SORBS2: variants seen among roughly 807,000 people sequenced by gnomAD.
SORBS2 encodes sorbin and SH3 domain-containing protein 2.
A neutral mutation model predicts 97.7 loss-of-function variants in SORBS2; 46 were observed. The ratio of observed to expected loss-of-function variants is 0.47; its 90% CI spans 0.37 to 0.60. The LOEUF (loss-of-function observed/expected upper bound fraction) is 0.60. SORBS2 is among the 20% of genes least tolerant of loss of function. The pLI, the probability that SORBS2 is intolerant of heterozygous loss-of-function variation, is 0.00. For synonymous variants in SORBS2, 476 were observed against 473.4 expected, an observed-to-expected ratio of 1.01 and a Z score of -0.07; for missense variants, 1,316 against 1,282.3, an observed-to-expected ratio of 1.03 and a Z score of -0.40.
intron 2 of SORBS2, among the ~76,000 whole-genome samples, chr4:185,712,407 TC>T (rs1240154462): frequency 3.3e-5 from 5 of 152,110 alleles, no homozygotes; most frequent in Non-Finnish European, 7.3e-5. Flanking sequence ...GGCAATAAAA[TC>T]CCCCACATTT....
At chr4:185,874,866 T>TTTTTTTTTTTTTTGC (rs775209042) in intron 1 of SORBS2, among the ~76,000 whole-genome samples, 4 of 113,524 alleles carry the variant, frequency 3.5e-5, no homozygotes, top group East Asian at 4.3e-4. Context: ...TGATTTTTTT[T>TTTTTTTTTTTTTTGC]TTTTTTGCAT....
chr4:185,743,380 G>A (rs1286709788), intron 2 of SORBS2, among the ~76,000 whole-genome samples: 2 of 152,074 alleles, frequency 1.3e-5, no homozygotes, highest in African/African-American at 4.8e-5. Context: ...TTCCCAATTT[G>A]CTCCCCATTT....
At chr4:185,733,539 G>A (rs1440013383) in intron 2 of SORBS2, among the ~76,000 whole-genome samples, 1 of 152,202 alleles carries the variant, frequency 6.6e-6, no homozygotes, top group African/African-American at 2.4e-5. Flanking sequence ...GCTTGGAGGG[G>A]CTGAGACAAG....
intron 2 of SORBS2, among the ~76,000 whole-genome samples, chr4:185,718,332 C>T (rs1583352088): frequency 6.6e-6 from 1 of 152,238 alleles, no homozygotes; most frequent in Non-Finnish European, 1.5e-5. Flanking sequence ...TTATTAGCAT[C>T]ATAAACATTA....
chr4:185,587,835 A>G, intron 14 of SORBS2, 147 bp from the exon 27 acceptor site: 1 of 637,572 alleles, frequency 1.6e-6, no homozygotes, highest in South Asian at 1.9e-5. Context: ...CATGAAGCCC[A>G]TAGGCAGACA....
At chr4:185,613,194 G>A (rs2096569054) in intron 11 of SORBS2, among the ~76,000 whole-genome samples, 2 of 152,192 alleles carry the variant, frequency 1.3e-5, no homozygotes, top group South Asian at 4.1e-4. Context: ...GTGTGATGGA[G>A]CTGAAACAGT....
At chr4:185,936,311 C>T (rs1427049196) in intron 1 of SORBS2, among the ~76,000 whole-genome samples, 3 of 152,254 alleles carry the variant, frequency 2.0e-5, no homozygotes, top group Non-Finnish European at 4.4e-5. Context: ...ACCCACCCTC[C>T]ATCCCTGCAA....
Position 185,587,666 on chromosome 4 carries a change from G to T in SORBS2, c.2976C>A (p.Phe992Leu), listed in dbSNP as rs112158586. The change falls in exon 15 of 15, where the codon TTC becomes TTA. Residue 992 changes from phenylalanine (F) to leucine (L), a missense_variant. Coordinates refer to ENST00000418609, the Ensembl canonical transcript of SORBS2. ...CGTAGTTTCCGGGGAAAGTACCAAAGAATTTGGTTCTTCTTGAGGTCCCTG... is the reference window on the plus strand; with the variant it reads ...CGTAGTTTCCGGGGAAAGTACCAAATAATTTGGTTCTTCTTGAGGTCCCTG... The T allele has an allele frequency of 5.7e-4, 925 of 1,613,390 alleles. No individual in the cohort carries two copies. Among genetic ancestry groups the T allele is most frequent in the Non-Finnish European group, 6.9e-4 (818 of 1,179,682 alleles).
intron 4 of SORBS2, chr4:185,666,082 A>G (rs1340138725): frequency 1.6e-6 from 2 of 1,289,766 alleles, no homozygotes; most frequent in East Asian, 1.1e-4. Flanking sequence ...GCCTGGTGAG[A>G]AAGTGGCTCG....
At chr4:185,924,945 C>T (rs561381369) in intron 1 of SORBS2, among the ~76,000 whole-genome samples, 2 of 152,276 alleles carry the variant, frequency 1.3e-5, no homozygotes, top group East Asian at 3.9e-4. Context: ...TTCCTCCAGT[C>T]ATCCGAGTCG....
chr4:185,847,332 G>C (rs576016681), intron 1 of SORBS2, among the ~76,000 whole-genome samples: 82 of 152,118 alleles, frequency 5.4e-4, no homozygotes, highest in Non-Finnish European at 1.0e-3. Flanking sequence ...GGACTGAATT[G>C]GTTTCCCTTT....
intron 4 of SORBS2, chr4:185,677,532 G>C (rs752622835): frequency 5.0e-5 from 78 of 1,550,198 alleles, no homozygotes; most frequent in Non-Finnish European, 6.4e-5. Flanking sequence ...CTCTGTACTG[G>C]AGGGAATTTG....
At chr4:185,771,123 G>C (rs1171476890) in intron 2 of SORBS2, 1 of 150,086 alleles carries the variant, frequency 6.7e-6, no homozygotes, top group African/African-American at 2.5e-5. Context: ...TGGGATTATA[G>C]GTGTGCACCA....
At chr4:185,673,161 G>A (rs781334307) in intron 4 of SORBS2, among the ~76,000 whole-genome samples, 17 of 152,154 alleles carry the variant, frequency 1.1e-4, no homozygotes, top group East Asian at 3.8e-4. Flanking sequence ...GTTGCCAGGC[G>A]CTTGGGGAAG....
At chr4:185,943,992 G>GC (rs2099273350) in intron 1 of SORBS2, among the ~76,000 whole-genome samples, 1 of 152,202 alleles carries the variant, frequency 6.6e-6, no homozygotes, top group African/African-American at 2.4e-5. Flanking sequence ...TTGTTTAAAT[G>GC]TTGAAGGTAA....
intron 2 of SORBS2, chr4:185,771,481 C>A (rs1216995357): frequency 6.6e-6 from 1 of 152,218 alleles, no homozygotes; most frequent in Non-Finnish European, 1.5e-5. Flanking sequence ...ATCACATATG[C>A]TGATAAATGC....
chr4:185,796,131 A>G, intron 1 of SORBS2, among the ~76,000 whole-genome samples: 1 of 152,054 alleles, frequency 6.6e-6, no homozygotes, highest in East Asian at 1.9e-4. Context: ...GTCTCAAACT[A>G]CTGGGCTCAA....
At chr4:185,635,314 T>G (rs1455852689) in intron 4 of SORBS2, 41 bp downstream of exon 16, 1 of 1,420,782 alleles carries the variant, frequency 7.0e-7, no homozygotes, top group South Asian at 1.2e-5. Context: ...TCACAGCCTC[T>G]AAGGGAGATA....
chr4:185,752,304 C>T (rs1427927866), intron 2 of SORBS2, among the ~76,000 whole-genome samples: 1 of 152,076 alleles, frequency 6.6e-6, no homozygotes, highest in Non-Finnish European at 1.5e-5. Context: ...GAGACAGAGT[C>T]TCGCTCTGTC....
Sources: gnomAD v4.1 joint callset for allele counts (sites outside exome capture counted in the v4.1 genomes callset) on GRCh38, gnomAD v4.1.1 for gene constraint, MANE v1.5 for transcripts, NCBI Gene and HGNC (gene_info 2026-07-23, HGNC 2026-07-21) for gene names.